RBFOX1: variants seen among roughly 807,000 people sequenced by gnomAD.
RBFOX1 encodes RNA binding protein fox-1 homolog 1.
Under a neutral mutation model 57.7 loss-of-function variants are expected in RBFOX1, and 8 were observed. The observed-to-expected ratio is 0.14, with a 90% CI of 0.08 to 0.25. The LOEUF is 0.25. RBFOX1 is among the 10% of genes least tolerant of loss of function. RBFOX1 has a pLI of 1.00. For missense variants in RBFOX1, 611 were observed against 548.5 expected, an observed-to-expected ratio of 1.11 and a Z score of -1.14; for synonymous variants, 326 against 222.4, an observed-to-expected ratio of 1.47 and a Z score of -4.15.
chr16:7,032,480 C>T (rs1301392344), intron 3 of RBFOX1, among the ~76,000 whole-genome samples: 1 of 151,922 alleles, frequency 6.6e-6, no homozygotes, highest in Non-Finnish European at 1.5e-5. Context: ...ATAAAAATCC[C>T]ATCTTAATTT....
At chr16:5,933,824 C>G (rs984620941) in intron 4 of RBFOX1, among the ~76,000 whole-genome samples, 1 of 150,206 alleles carries the variant, frequency 6.7e-6, no homozygotes, top group African/African-American at 2.5e-5. Flanking sequence ...CTTGTGGGTA[C>G]GTGTGCAGGT....
intron 1 of RBFOX1, among the ~76,000 whole-genome samples, chr16:6,279,270 A>G (rs1386032876): frequency 6.6e-6 from 1 of 152,206 alleles, no homozygotes; most frequent in Non-Finnish European, 1.5e-5. Context: ...GCACCTAGCT[A>G]AGGAAATGGC....
chr16:7,554,267 T>C (rs1216344125), intron 5 of RBFOX1, among the ~76,000 whole-genome samples: 1 of 152,220 alleles, frequency 6.6e-6, no homozygotes, highest in African/African-American at 2.4e-5. Context: ...TATTTAGTCA[T>C]AGCAGGAACC....
At chr16:6,731,867 G>A (rs2068701172) in intron 3 of RBFOX1, among the ~76,000 whole-genome samples, 1 of 152,010 alleles carries the variant, frequency 6.6e-6, no homozygotes, top group African/African-American at 2.4e-5. Context: ...GCCTCTAGGG[G>A]AATCCAAACA....
At position 6,722,247 on chromosome 16, in the gene RBFOX1, C is replaced by A. The variant is rs369046311; in HGVS notation, c.-16+67597C>A. On this transcript the variant is annotated intron_variant, in intron 3 of 15. Transcript: ENST00000550418. ...TATCCTGTTTTCCAAGAGGCTAAAC[C>A]GTTTTGCATTTCCACCCACAGTGCC... 2.9e-4 allele frequency among the ~76,000 whole-genome samples: 44 copies of A among 152,284 alleles called. No homozygotes were observed. The South Asian group carries it at 8.9e-3, about 31-fold the overall frequency.
chr16:6,530,752 C>G (rs1567575243), intron 2 of RBFOX1, among the ~76,000 whole-genome samples: 1 of 150,522 alleles, frequency 6.6e-6, no homozygotes, highest in African/African-American at 2.4e-5. Context: ...TAAACCGTCC[C>G]TTCCCCACCC....
chr16:5,431,962 TGAG>T (rs2067751460), intron 1 of RBFOX1, among the ~76,000 whole-genome samples: 1 of 151,870 alleles, frequency 6.6e-6, no homozygotes, highest in African/African-American at 2.4e-5. Context: ...TTGGGGGTGT[TGAG>T]GGGGGTGTCT....
intron 3 of RBFOX1, among the ~76,000 whole-genome samples, chr16:6,774,702 G>A (rs1277389615): frequency 6.6e-6 from 1 of 151,854 alleles, no homozygotes; most frequent in Non-Finnish European, 1.5e-5. Context: ...AAAACGATTA[G>A]TATTATAATT....
At chr16:7,297,950 C>T (rs1436317371) in intron 4 of RBFOX1, among the ~76,000 whole-genome samples, 3 of 152,098 alleles carry the variant, frequency 2.0e-5, no homozygotes, top group African/African-American at 7.2e-5. Context: ...CATGCATATG[C>T]ACATACTTCT....
At chr16:7,407,374 G>C (rs1043083281) in intron 4 of RBFOX1, among the ~76,000 whole-genome samples, 11 of 8,856 alleles carry the variant, frequency 1.2e-3, no homozygotes, top group Admixed American at 3.4e-3. Context: ...ATTTGTATGG[G>C]TGTGTGTGTG....
intron 2 of RBFOX1, among the ~76,000 whole-genome samples, chr16:6,632,147 C>T (rs1297550638): frequency 6.6e-6 from 1 of 152,126 alleles, no homozygotes; most frequent in Non-Finnish European, 1.5e-5. Context: ...GTTACTGCAT[C>T]TCTGTGATCC....
At chr16:6,655,257 C>T (rs1371004123) in intron 3 of RBFOX1, among the ~76,000 whole-genome samples, 1 of 150,476 alleles carries the variant, frequency 6.6e-6, no homozygotes, top group Non-Finnish European at 1.5e-5. Context: ...GCCTGTAATC[C>T]CAGCTACTTG....
intron 4 of RBFOX1, among the ~76,000 whole-genome samples, chr16:7,093,178 A>G (rs2061148442): frequency 6.6e-6 from 1 of 152,192 alleles, no homozygotes; most frequent in Non-Finnish European, 1.5e-5. Context: ...TGGCAAGTTC[A>G]TTCAGCACCC....
At chr16:6,939,727 G>A (rs1470713597) in intron 3 of RBFOX1, among the ~76,000 whole-genome samples, 1 of 151,976 alleles carries the variant, frequency 6.6e-6, no homozygotes, top group Non-Finnish European at 1.5e-5. Flanking sequence ...GGCCGGGCTG[G>A]TCTCAGACTC....
intron 4 of RBFOX1, among the ~76,000 whole-genome samples, chr16:7,085,770 A>C (rs559064571): frequency 3.3e-5 from 5 of 152,256 alleles, no homozygotes; most frequent in African/African-American, 4.8e-5. Flanking sequence ...CTGTAATGAC[A>C]GAGTGTGTTC....
intron 4 of RBFOX1, among the ~76,000 whole-genome samples, chr16:5,869,654 C>A (rs192917960): frequency 1.3e-5 from 2 of 152,138 alleles, no homozygotes; most frequent in African/African-American, 4.8e-5. Flanking sequence ...CTGCCCTCCT[C>A]GGCCTCCCAA....
At chr16:5,438,362 A>G (rs1019092984) in intron 1 of RBFOX1, among the ~76,000 whole-genome samples, 1 of 152,194 alleles carries the variant, frequency 6.6e-6, no homozygotes, top group African/African-American at 2.4e-5. Context: ...TTATTCAGGT[A>G]TTTGTTGAGC....
chr16:5,853,293 G>A (rs34376349), intron 3 of RBFOX1, among the ~76,000 whole-genome samples: 52,094 of 152,004 alleles, frequency 0.34, 9,127 homozygotes, highest in East Asian at 0.53. Context: ...CCTGAGAACG[G>A]CCAGGGGAAA....
chr16:5,504,678 A>G (rs966064065), intron 2 of RBFOX1, among the ~76,000 whole-genome samples: 66 of 152,368 alleles, frequency 4.3e-4, no homozygotes, highest in African/African-American at 1.5e-3. Flanking sequence ...AGCATTTGCT[A>G]GACACCAGAC....
Sources: allele counts gnomAD v4.1 joint callset (sites outside exome capture counted in the v4.1 genomes callset), GRCh38; gene constraint gnomAD v4.1.1; transcripts MANE v1.5; gene names NCBI Gene and HGNC (gene_info 2026-07-23, HGNC 2026-07-21).